The following ID4 variants were observed in gnomAD, a reference collection of about 807,000 sequenced individuals.
ID4 encodes DNA-binding protein inhibitor ID-4.
ID4 carries 9 observed loss-of-function variants against 8.6 expected under a neutral mutation model. The ratio of observed to expected loss-of-function variants is 1.04; its 90% CI spans 0.63 to 1.82. The LOEUF is 1.82. Among genes scored for constraint, ID4 ranks in the 40% most tolerant of loss-of-function variants. ID4 has a pLI of 0.00. For missense variants in ID4, 270 were observed against 235.1 expected, an observed-to-expected ratio of 1.15 and a Z score of -0.97; for synonymous variants, 180 against 118.0, an observed-to-expected ratio of 1.53 and a Z score of -3.41.
Position 19,838,147 on chromosome 6 carries a change from TCCAG to T in ID4, c.396_399del (p.Ala133ArgfsTer18). 2.6e-6 allele frequency: 4 copies of T among 1,534,074 alleles called. No homozygotes were observed. Among genetic ancestry groups the T allele is most frequent in the Non-Finnish European group, 3.5e-6 (4 of 1,140,320 alleles). Reference sequence around the variant, plus strand: ...CGCCACACCACCCGGCCGGGACCTGTCCAGCCGCGCCGCCGCGGACCCCGCTCAC... The same window carrying T: ...CGCCACACCACCCGGCCGGGACCTGTCCGCGCCGCCGCGGACCCCGCTCAC... On this transcript the variant is annotated frameshift_variant, in exon 1 of 3. Transcript: ENST00000378700. LOFTEE classifies it high-confidence loss of function.
In ID4 at chr6:19,840,903, C is replaced by CTT. The variant is rs1260995736; in HGVS notation, c.*1708_*1709insTT. ...TTTAATTGGGTGCTTTGTAAATAGTCAACTGTGTGTATAACGTGGTCTGTT... is the reference window on the plus strand; with the variant it reads ...TTTAATTGGGTGCTTTGTAAATAGTCTTAACTGTGTGTATAACGTGGTCTGTT... On this transcript the variant is annotated 3_prime_UTR_variant, in exon 3 of 3. Coordinates refer to ENST00000378700, the MANE Select transcript of ID4 (RefSeq NM_001546.4). 6.6e-6 allele frequency among the ~76,000 whole-genome samples: 1 copy of CTT among 152,080 alleles called. No homozygotes were observed. The highest frequency in any genetic ancestry group is 1.5e-5 in the Non-Finnish European group (1 of 67,982).
At chr6:19,838,864 C>A (rs1761293022) in intron 2 of ID4, 2 of 561,576 alleles carry the variant, frequency 3.6e-6, no homozygotes, top group East Asian at 3.2e-5. Context: ...CAGCCCTTGT[C>A]CCCGCCGTCC....
At chr6:19,838,234 G>A (rs1420556157) in intron 1 of ID4, 39 bp downstream of exon 1, 12 of 1,321,156 alleles carry the variant, frequency 9.1e-6, no homozygotes, top group Middle Eastern at 2.7e-4. Flanking sequence ...GACGCCGCGG[G>A]GGATGGGAGG....
chr6:19,839,509 TGA>T lies in ID4; in HGVS notation c.*315_*316del, dbSNP rs1761311820. The T allele has an allele frequency of 6.6e-6, 1 of 152,660 alleles. No homozygotes were observed. Among genetic ancestry groups the T allele is most frequent in the Non-Finnish European group, 1.5e-5 (1 of 68,044 alleles). 9.5% of individuals were successfully genotyped at this position (152,660 alleles called of 1,614,324 possible). A position where few individuals can be genotyped will look rare whatever the true frequency, so the allele number is the denominator to read the frequency against. ...CTTTTAAGCTTAAGTGTGACAGGACTGATAAATAGAAGATCAAGAGTAGATCC... is the reference window on the plus strand; with the variant it reads ...CTTTTAAGCTTAAGTGTGACAGGACTTAAATAGAAGATCAAGAGTAGATCC... On this transcript the variant is annotated 3_prime_UTR_variant, in exon 3 of 3. Coordinates refer to ENST00000378700, the MANE Select transcript of ID4 (RefSeq NM_001546.4).
At position 19,837,983 on chromosome 6, in the gene ID4, A is replaced by G. The variant is rs1311267875; in HGVS notation, c.229A>G (p.Arg77Gly). 1.3e-6 allele frequency: 2 copies of G among 1,592,816 alleles called. No individual in the cohort carries two copies. The highest frequency in any genetic ancestry group is 1.7e-6 in the Non-Finnish European group (2 of 1,170,098). The part of the protein sequence containing the change: ...DMNDCYSRLR[R>G]LVPTIPPNKK... ...GAACGACTGCTATAGCCGCCTGCGG[A>G]GGCTGGTGCCCACCATCCCGCCCAA... Residue 77 changes from arginine to glycine, a missense_variant, in exon 1 of 3, where the codon AGG becomes GGG. Physicochemically the swap from Arg to Gly is moderately radical, Grantham distance 125 (BLOSUM62 -2). This residue lies in a region of ID4 where 160 missense variants were observed against 131.5 expected (regional missense o/e 1.22). Coordinates refer to ENST00000378700, the MANE Select transcript of ID4 (RefSeq NM_001546.4).
In ID4 at chr6:19,841,133, A is replaced by C. The variant is rs1357094885; in HGVS notation, c.*1938A>C. ...TTAAAATCAATCAAAATGTTTAAAA[A>C]TTGATTCTGTCCTCAGCATGTTATT... is the stretch of plus-strand genomic sequence containing the variant. On this transcript the variant is annotated 3_prime_UTR_variant, in exon 3 of 3. Transcript: ENST00000378700. Among the ~76,000 whole-genome samples the C allele has an allele frequency of 1.3e-5, 2 of 152,226 alleles. No individual in the cohort carries two copies. The highest frequency in any genetic ancestry group is 2.9e-5 in the Non-Finnish European group (2 of 68,024).
Position 19,837,653 on chromosome 6 carries a change from G to A in ID4, c.-102G>A, listed in dbSNP as rs1036541172. On this transcript the variant is annotated 5_prime_UTR_variant, in exon 1 of 3. Coordinates refer to ENST00000378700, the MANE Select transcript of ID4 (RefSeq NM_001546.4). ...CGGTGCCCCGAGCGCGCCGGGCGCG[G>A]AGGCAAAGGGAGCGGAGCCGGCCGC... The A allele has an allele frequency of 2.4e-6, 2 of 824,714 alleles. No individual in the cohort carries two copies. The highest frequency in any genetic ancestry group is 3.0e-6 in the Non-Finnish European group (2 of 667,380). 51.1% of individuals were successfully genotyped at this position (824,714 alleles called of 1,614,324 possible).
At position 19,841,489 on chromosome 6, in the gene ID4, C is replaced by T. The variant is rs1761358947; in HGVS notation, c.*2294C>T. On this transcript the variant is annotated 3_prime_UTR_variant, in exon 3 of 3. Coordinates refer to ENST00000378700, the MANE Select transcript of ID4 (RefSeq NM_001546.4). ...GCTGAACCCTACCTAAGCCTTTTGGCGCAGTTTAAAACTTATACTGGTGGA... is the reference window on the plus strand; with the variant it reads ...GCTGAACCCTACCTAAGCCTTTTGGTGCAGTTTAAAACTTATACTGGTGGA... 6.6e-6 allele frequency among the ~76,000 whole-genome samples: 1 copy of T among 152,118 alleles called. No individual in the cohort carries two copies. Among genetic ancestry groups the T allele is most frequent in the Non-Finnish European group, 1.5e-5 (1 of 68,006 alleles).
Position 19,838,433 on chromosome 6 carries a change from G to T in ID4, c.442-151G>T, listed in dbSNP as rs1761277325. On this transcript the variant is annotated intron_variant, in intron 1 of 2. Transcript: ENST00000378700. ...GGCTGTGGGCGCCCTGGGCTGTCAA[G>T]TCCCGCCTGAGCCCGGAGGGGCCCC... The T allele has an allele frequency of 3.5e-6, 4 of 1,144,710 alleles. No homozygotes were observed. In the African/African-American group the frequency reaches 4.6e-5, roughly 13 times the overall value. 70.9% of individuals were successfully genotyped at this position (1,144,710 alleles called of 1,614,324 possible).
chr6:19,841,466 T>C lies in ID4; in HGVS notation c.*2271T>C, dbSNP rs972345595. Among the ~76,000 whole-genome samples the C allele has an allele frequency of 6.6e-6, 1 of 152,242 alleles. No homozygotes were observed. The highest frequency in any genetic ancestry group is 1.5e-5 in the Non-Finnish European group (1 of 68,028). ...TTATGCATCTGTCATGCCTGACTGCTGAACCCTACCTAAGCCTTTTGGCGC... is the reference window on the plus strand; with the variant it reads ...TTATGCATCTGTCATGCCTGACTGCCGAACCCTACCTAAGCCTTTTGGCGC... On this transcript the variant is annotated 3_prime_UTR_variant, in exon 3 of 3. Coordinates refer to ENST00000378700, the MANE Select transcript of ID4 (RefSeq NM_001546.4).
In ID4 at chr6:19,840,981, A is replaced by G. The variant is rs1246300174; in HGVS notation, c.*1786A>G. The stretch of plus-strand genomic sequence containing the variant: ...CAGATTATACAAGAATAAAAGTATT[A>G]TAGACCCAAGGGACTTCTTATGAGG... On this transcript the variant is annotated 3_prime_UTR_variant, in exon 3 of 3. Coordinates refer to ENST00000378700, the MANE Select transcript of ID4 (RefSeq NM_001546.4). Among the ~76,000 whole-genome samples the G allele has an allele frequency of 1.3e-5, 2 of 152,158 alleles. No homozygotes were observed. Among genetic ancestry groups the G allele is most frequent in the Non-Finnish European group, 2.9e-5 (2 of 68,028 alleles).
At chr6:19,838,691 T>G in intron 2 of ID4, 49 bp downstream of exon 2, 1 of 1,537,696 alleles carries the variant, frequency 6.5e-7, no homozygotes, top group Non-Finnish European at 9.0e-7. Flanking sequence ...GAGACGCCCG[T>G]CCCCGAGGGC....
rs1303381902 is a variant in ID4 at position 19,839,302 on chromosome 6, A to C, written c.*107A>C. On this transcript the variant is annotated 3_prime_UTR_variant, in exon 3 of 3. Coordinates refer to ENST00000378700, the MANE Select transcript of ID4 (RefSeq NM_001546.4). ...AAAAAGCCACCGGAGGAAAGGAAAA[A>C]ACATCGGCCAACCTAGAAACGTTTT... 1 of 152,728 alleles carries C rather than the reference A, an allele frequency of 6.5e-6. No individual in the cohort carries two copies. The highest frequency in any genetic ancestry group is 6.5e-5 in the Admixed American group (1 of 15,296). The allele number at this position is 152,728 out of a possible 1,614,324, so 9.5% of individuals were successfully genotyped here.
chr6:19,838,509 G>C, intron 1 of ID4, 75 bp from the exon 2 acceptor site: 1 of 1,589,664 alleles, frequency 6.3e-7, no homozygotes, highest in Non-Finnish European at 8.6e-7. Context: ...TGATTTCCGA[G>C]GACAATCCAG....
intron 2 of ID4, 192 bp from the exon 3 acceptor site, chr6:19,839,018 G>T (rs544798383): frequency 8.9e-6 from 2 of 224,688 alleles, no homozygotes; most frequent in Non-Finnish European, 1.8e-5. Flanking sequence ...GCGCCGGAGT[G>T]GGTCCCCTCT....
In ID4 at chr6:19,837,721, C is replaced by G. The variant is rs1761249020; in HGVS notation, c.-34C>G. 2 of 1,105,430 alleles carry G rather than the reference C, an allele frequency of 1.8e-6. No individual in the cohort carries two copies. Among genetic ancestry groups the G allele is most frequent in the Non-Finnish European group, 2.2e-6 (2 of 906,580 alleles). The allele number at this position is 1,105,430 out of a possible 1,614,324, so 68.5% of individuals were successfully genotyped here. A position where few individuals can be genotyped will look rare whatever the true frequency, so the allele number is the denominator to read the frequency against. On this transcript the variant is annotated 5_prime_UTR_variant, in exon 1 of 3. Transcript: ENST00000378700. Reference sequence around the variant, plus strand: ...TGCCTGCCTCCCTCGCTCGCCCCAGCGGGTTCGCTCGCGTAGAGCGCAGGG... The same window carrying G: ...TGCCTGCCTCCCTCGCTCGCCCCAGGGGGTTCGCTCGCGTAGAGCGCAGGG...
In ID4 at chr6:19,838,180, G is replaced by T; in HGVS notation, c.426G>T (p.Ala142=). ...CGCCGCCGCGGACCCCGCTCACTGCGCTCAACACCGACCCGGTGAGAGGCC... is the reference window on the plus strand; with the variant it reads ...CGCCGCCGCGGACCCCGCTCACTGCTCTCAACACCGACCCGGTGAGAGGCC... ...PAAPPRTPLT[A]LNTDPAGAVN... Residue 142 remains alanine, a synonymous_variant, in exon 1 of 3, where the codon GCG becomes GCT. Transcript: ENST00000378700. 6.9e-7 allele frequency: 1 copy of T among 1,451,640 alleles called. No homozygotes were observed. Among genetic ancestry groups the T allele is most frequent in the Non-Finnish European group, 9.1e-7 (1 of 1,102,722 alleles). 89.9% of individuals were successfully genotyped at this position (1,451,640 alleles called of 1,614,324 possible).
At position 19,839,748 on chromosome 6, in the gene ID4, C is replaced by A. The variant is rs1004327334; in HGVS notation, c.*553C>A. 16 of 152,086 alleles carry A rather than the reference C, an allele frequency of 1.1e-4. No homozygotes were observed. Among genetic ancestry groups the A allele is most frequent in the Non-Finnish European group, 2.1e-4 (14 of 67,956 alleles). The allele number at this position is 152,086 out of a possible 1,614,324, so 9.4% of individuals were successfully genotyped here. A position where few individuals can be genotyped will look rare whatever the true frequency, so the allele number is the denominator to read the frequency against. On this transcript the variant is annotated 3_prime_UTR_variant, in exon 3 of 3. Coordinates refer to ENST00000378700, the MANE Select transcript of ID4 (RefSeq NM_001546.4). The stretch of plus-strand genomic sequence containing the variant: ...CATACCATGTATATATAGAGATGTT[C>A]TATAAGTGTGAGAAAGTATATGCTT...
chr6:19,838,292 G>C, intron 1 of ID4, 97 bp downstream of exon 1: 1 of 1,170,926 alleles, frequency 8.5e-7, no homozygotes, highest in South Asian at 2.2e-5. Context: ...CTCCGGGCAG[G>C]GGCGGGCCAG....
Sources: allele counts gnomAD v4.1 joint callset (sites outside exome capture counted in the v4.1 genomes callset), GRCh38; gene constraint gnomAD v4.1.1; regional missense constraint gnomAD v4.1.1; transcripts MANE v1.5; gene names NCBI Gene and HGNC (gene_info 2026-07-23, HGNC 2026-07-21).